BRF1: variants seen among roughly 807,000 people sequenced by gnomAD.
BRF1 encodes BRF1 general transcription factor IIIB subunit.
Under a neutral mutation model 81.7 loss-of-function variants are expected in BRF1, and 59 were observed. The observed-to-expected ratio is 0.72, with a 90% CI of 0.59 to 0.90. The LOEUF (loss-of-function observed/expected upper bound fraction) is 0.90. BRF1 is among the 40% of genes least tolerant of loss of function. The pLI, the probability that BRF1 is intolerant of heterozygous loss-of-function variation, is 0.00. For synonymous variants in BRF1, 491 were observed against 395.6 expected, an observed-to-expected ratio of 1.24 and a Z score of -2.86; for missense variants, 1,050 against 936.3, an observed-to-expected ratio of 1.12 and a Z score of -1.58.
At chr14:105,280,674 G>C (rs2057037260) in intron 2 of BRF1, among the ~76,000 whole-genome samples, 1 of 152,090 alleles carries the variant, frequency 6.6e-6, no homozygotes, top group African/African-American at 2.4e-5. Flanking sequence ...GCATGATCCT[G>C]AGCCCGGCTG....
intron 3 of BRF1, among the ~76,000 whole-genome samples, chr14:105,260,982 C>G (rs914559463): frequency 2.0e-5 from 3 of 152,258 alleles, no homozygotes; most frequent in African/African-American, 7.2e-5. Context: ...TGGAGGTTCT[C>G]CTGTGTCCAG....
At chr14:105,266,594 C>T (rs1454334057) in intron 3 of BRF1, among the ~76,000 whole-genome samples, 4 of 151,982 alleles carry the variant, frequency 2.6e-5, no homozygotes, top group Non-Finnish European at 5.9e-5. Context: ...ATAAAGAGTC[C>T]TATACACAAA....
At chr14:105,304,151 G>A (rs1377160555), upstream of BRF1, among the ~76,000 whole-genome samples, 1 of 152,220 alleles carries the variant, frequency 6.6e-6, no homozygotes, top group Non-Finnish European at 1.5e-5. Context: ...TTGGCCAGAG[G>A]AGCAGAGGGT....
rs979341137 is a variant in BRF1 at position 105,209,580 on chromosome 14, G to A, written c.*971C>T. The stretch of plus-strand genomic sequence containing the variant: ...CCATGCCAGAGCTGAGACCTCCTAC[G>A]AGTGGTACTGGGGCCTTCCCACGAA... On this transcript the variant is annotated 3_prime_UTR_variant, in exon 18 of 18. Transcript: ENST00000547530. 1.1e-5 allele frequency: 8 copies of A among 702,660 alleles called. No homozygotes were observed. Among genetic ancestry groups the A allele is most frequent in the Non-Finnish European group, 1.6e-5 (6 of 384,872 alleles). 43.5% of individuals were successfully genotyped at this position (702,660 alleles called of 1,614,324 possible). A position where few individuals can be genotyped will look rare whatever the true frequency, so the allele number is the denominator to read the frequency against.
In BRF1 at chr14:105,241,710, C is replaced by A. The variant is rs587621572; in HGVS notation, c.545-296G>T. On this transcript the variant is annotated intron_variant, in intron 5 of 17. Transcript: ENST00000547530. The stretch of plus-strand genomic sequence containing the variant: ...TGCTCAGGACACAGAGGGGCGCACA[C>A]CCAGCAGCCTTCCCTCCAGACCATG... The A allele has an allele frequency of 4.4e-4, 205 of 463,964 alleles. No individual in the cohort carries two copies. The Middle Eastern group carries it at 5.0e-3, about 11-fold the overall frequency. 28.7% of individuals were successfully genotyped at this position (463,964 alleles called of 1,614,324 possible).
intron 12 of BRF1, 119 bp from the exon 13 acceptor site, chr14:105,219,351 C>G (rs1446491064): frequency 2.0e-6 from 3 of 1,530,756 alleles, no homozygotes; most frequent in Non-Finnish European, 2.6e-6. Flanking sequence ...CCGGGGCAGC[C>G]TCTATTTAGT....
intron 1 of BRF1, among the ~76,000 whole-genome samples, chr14:105,312,032 G>A (rs1429901007): frequency 3.3e-5 from 5 of 152,234 alleles, no homozygotes; most frequent in Admixed American, 3.3e-4. Flanking sequence ...GCCGCCAACT[G>A]ACCAGTGCTG....
intron 1 of BRF1, among the ~76,000 whole-genome samples, chr14:105,291,157 C>G (rs945108917): frequency 6.6e-6 from 1 of 152,152 alleles, no homozygotes; most frequent in Non-Finnish European, 1.5e-5. Flanking sequence ...CCCCTGTGTA[C>G]AGCAAGGGAG....
chr14:105,306,265 T>C (rs587720663), intron 1 of BRF1, among the ~76,000 whole-genome samples: 1 of 152,044 alleles, frequency 6.6e-6, no homozygotes, highest in African/African-American at 2.4e-5. Context: ...CTTTCTTCAT[T>C]CATGGTGTCT....
At chr14:105,263,366 G>T (rs905079252) in intron 3 of BRF1, among the ~76,000 whole-genome samples, 2 of 152,136 alleles carry the variant, frequency 1.3e-5, no homozygotes, top group African/African-American at 2.4e-5. Context: ...AGAAGAGGAA[G>T]CAACTTCAAC....
chr14:105,264,150 A>C (rs992816118), intron 3 of BRF1, among the ~76,000 whole-genome samples: 1 of 152,176 alleles, frequency 6.6e-6, no homozygotes, highest in Non-Finnish European at 1.5e-5. Context: ...ACTATGAAGA[A>C]ATGAAGAATC....
rs1044746167 is a variant in BRF1 at position 105,228,920 on chromosome 14, G to A, written c.695-7C>T. 5 of 1,613,178 alleles carry A rather than the reference G, an allele frequency of 3.1e-6. No homozygotes were observed. In the African/African-American group the frequency reaches 4.0e-5, roughly 13 times the overall value. Reference sequence around the variant, plus strand: ...CTGGCTGCAACCAGGAGCGCTGGAAGGCAACGAGACGGGCCTCGTCAACCA... The same window carrying A: ...CTGGCTGCAACCAGGAGCGCTGGAAAGCAACGAGACGGGCCTCGTCAACCA... On this transcript the variant is annotated splice_polypyrimidine_tract_variant and splice_region_variant and intron_variant, in intron 6 of 17. Coordinates refer to ENST00000547530, the MANE Select transcript of BRF1 (RefSeq NM_001519.4).
At chr14:105,250,892 G>C in intron 5 of BRF1, 1 of 581,374 alleles carries the variant, frequency 1.7e-6, no homozygotes, top group Non-Finnish European at 3.1e-6. Flanking sequence ...TCAGGTGGAG[G>C]AAGATTTACG....
At chr14:105,295,970 A>C (rs942230218) in intron 1 of BRF1, among the ~76,000 whole-genome samples, 4 of 150,658 alleles carry the variant, frequency 2.7e-5, no homozygotes, top group East Asian at 3.9e-4. Flanking sequence ...AATCCCAGCT[A>C]CTCAGGAGGC....
intron 5 of BRF1, chr14:105,249,676 C>T (rs1288586713): frequency 2.5e-6 from 4 of 1,613,098 alleles, no homozygotes; most frequent in Non-Finnish European, 1.7e-6. Flanking sequence ...TGGAAGCCGA[C>T]ACGGTGCTGG....
intron 1 of BRF1, among the ~76,000 whole-genome samples, chr14:105,292,981 G>A (rs773127864): frequency 2.2e-4 from 34 of 152,186 alleles, no homozygotes; most frequent in Non-Finnish European, 4.7e-4. Flanking sequence ...CGTGTGTCAC[G>A]CTGCAGGCTA....
chr14:105,228,765 G>A (rs2054227315), intron 7 of BRF1, 55 bp downstream of exon 7: 1 of 1,596,388 alleles, frequency 6.3e-7, no homozygotes, highest in Non-Finnish European at 8.6e-7. Flanking sequence ...GCAGGCCTGA[G>A]CTGGACTGAT....
chr14:105,281,674 C>T (rs1398447354), intron 2 of BRF1, among the ~76,000 whole-genome samples: 2 of 151,874 alleles, frequency 1.3e-5, no homozygotes, highest in Non-Finnish European at 2.9e-5. Flanking sequence ...GTGGGAGGTG[C>T]TCAGAGTCTA....
intron 2 of BRF1, among the ~76,000 whole-genome samples, chr14:105,280,187 C>T (rs997245276): frequency 3.3e-5 from 5 of 152,242 alleles, no homozygotes; most frequent in Non-Finnish European, 5.9e-5. Context: ...CGCACCTAGG[C>T]GGTGGAATAT....
Sources: gnomAD v4.1 joint callset for allele counts (sites outside exome capture counted in the v4.1 genomes callset) on GRCh38, gnomAD v4.1.1 for gene constraint, MANE v1.5 for transcripts, NCBI Gene and HGNC (gene_info 2026-07-23, HGNC 2026-07-21) for gene names.